Variants in TMEM266 observed in about 807,000 individuals in gnomAD.
TMEM266 encodes Hv1 related protein 1.
A neutral mutation model predicts 50.5 loss-of-function variants in TMEM266; 33 were observed. The observed-to-expected ratio is 0.65, with a 90% CI of 0.50 to 0.87. The LOEUF (loss-of-function observed/expected upper bound fraction) is 0.87. Among genes scored for constraint, TMEM266 ranks in the 40% least tolerant of loss-of-function variants. The probability of loss-of-function intolerance (pLI) is 0.00; values close to 1 mark genes in which losing one functional copy is unlikely to be tolerated. For synonymous variants in TMEM266, 310 were observed against 292.3 expected (o/e 1.06, Z -0.62); for missense variants, 655 against 695.1 (o/e 0.94, Z 0.65).
intron 9 of TMEM266, among the ~76,000 whole-genome samples, chr15:76,193,792 C>T (rs950364690): frequency 6.6e-6 from 1 of 152,210 alleles, no homozygotes; most frequent in African/African-American, 2.4e-5. Flanking sequence ...GGGTTTCACG[C>T]ACAGGCAGTG....
chr15:76,170,280 G>A (rs1179921084), intron 6 of TMEM266, among the ~76,000 whole-genome samples: 1 of 152,218 alleles, frequency 6.6e-6, no homozygotes, highest in Non-Finnish European at 1.5e-5. Flanking sequence ...GTGGGATGAG[G>A]TCAGGGAGGC....
At chr15:76,075,758 C>T (rs2036596037) in intron 1 of TMEM266, among the ~76,000 whole-genome samples, 1 of 140,566 alleles carries the variant, frequency 7.1e-6, no homozygotes, top group Non-Finnish European at 1.5e-5. Flanking sequence ...TCATCTATCA[C>T]ATACATTTTT....
chr15:76,134,340 G>T lies in TMEM266; in HGVS notation c.38+39G>T, dbSNP rs753891578. The stretch of plus-strand genomic sequence containing the variant: ...GGATCTGCTCTCTGGATCCAGAACT[G>T]TGGCTATAAATCTCCCAGAAGATGA... On this transcript the variant is annotated intron_variant, in intron 2 of 10. Coordinates refer to ENST00000388942, the MANE Select transcript of TMEM266 (RefSeq NM_152335.3). 8 of 1,596,388 alleles carry T rather than the reference G, an allele frequency of 5.0e-6. No homozygotes were observed. In the East Asian group the frequency reaches 1.8e-4, roughly 36 times the overall value.
chr15:76,122,703 T>C (rs1248581819), intron 1 of TMEM266, among the ~76,000 whole-genome samples: 2 of 152,318 alleles, frequency 1.3e-5, no homozygotes, highest in Non-Finnish European at 2.9e-5. Context: ...AAATCATAGA[T>C]ATTTTAGTTC....
chr15:76,068,514 C>G (rs924706531), intron 1 of TMEM266, among the ~76,000 whole-genome samples: 2 of 152,182 alleles, frequency 1.3e-5, no homozygotes. Context: ...GCCCTAACCC[C>G]CAATGTGACT....
intron 1 of TMEM266, among the ~76,000 whole-genome samples, chr15:76,094,176 A>C (rs1009358962): frequency 1.3e-5 from 2 of 152,086 alleles, no homozygotes; most frequent in African/African-American, 4.8e-5. Context: ...TGTTTTAGAC[A>C]TGAAGCCTTT....
At chr15:76,127,355 CT>C (rs2037439686) in intron 1 of TMEM266, among the ~76,000 whole-genome samples, 1 of 148,724 alleles carries the variant, frequency 6.7e-6, no homozygotes, top group Admixed American at 6.7e-5. Flanking sequence ...AAGACAGTGC[CT>C]TGGTCTGTTG....
intron 1 of TMEM266, among the ~76,000 whole-genome samples, chr15:76,116,146 C>T (rs535582707): frequency 2.6e-5 from 4 of 152,300 alleles, no homozygotes; most frequent in South Asian, 2.1e-4. Context: ...CCTCTCTCCT[C>T]GCCCTGCCAT....
chr15:76,126,534 ATT>A (rs560928549), intron 1 of TMEM266, among the ~76,000 whole-genome samples: 201 of 142,424 alleles, frequency 1.4e-3, no homozygotes, highest in African/African-American at 4.5e-3. Flanking sequence ...TATAGTTAGA[ATT>A]TTTTTTTTTT....
intron 1 of TMEM266, among the ~76,000 whole-genome samples, chr15:76,114,384 G>T (rs777599289): frequency 1.4e-4 from 21 of 152,150 alleles, no homozygotes; most frequent in Non-Finnish European, 2.5e-4. Context: ...GCTGGGTGTT[G>T]TGGTACACGC....
At chr15:76,112,617 T>G (rs1434911992) in intron 1 of TMEM266, 3 of 152,146 alleles carry the variant, frequency 2.0e-5, no homozygotes, top group Admixed American at 6.5e-5. Context: ...AGCATTGACT[T>G]GTCGAGAGCT....
intron 1 of TMEM266, among the ~76,000 whole-genome samples, chr15:76,077,781 C>T (rs1401208543): frequency 6.6e-6 from 1 of 152,020 alleles, no homozygotes; most frequent in South Asian, 2.1e-4. Context: ...TAGGCCCTCA[C>T]GACACCTTGA....
intron 1 of TMEM266, among the ~76,000 whole-genome samples, chr15:76,088,880 A>C (rs2036810088): frequency 6.6e-6 from 1 of 151,774 alleles, no homozygotes; most frequent in Non-Finnish European, 1.5e-5. Context: ...AATCACTTGC[A>C]GTCAGGAGTT....
intron 1 of TMEM266, among the ~76,000 whole-genome samples, chr15:76,095,283 A>C (rs943068428): frequency 2.3e-4 from 35 of 152,166 alleles, no homozygotes; most frequent in Admixed American, 6.5e-4. Context: ...TTTGAGATAC[A>C]TTCCATCAAT....
At chr15:76,175,499 C>A in intron 7 of TMEM266, 60 bp from the exon 8 acceptor site, 1 of 1,378,938 alleles carries the variant, frequency 7.3e-7, no homozygotes, top group Non-Finnish European at 1.0e-6. Context: ...TGGGCCCGCC[C>A]TTCCCTAGTC....
intron 6 of TMEM266, among the ~76,000 whole-genome samples, chr15:76,170,199 C>G (rs772436838): frequency 2.0e-5 from 3 of 152,212 alleles, no homozygotes; most frequent in Admixed American, 2.0e-4. Flanking sequence ...GAAAGCTGAG[C>G]GGGAAACTGT....
intron 10 of TMEM266, among the ~76,000 whole-genome samples, chr15:76,202,542 T>G (rs1304200835): frequency 1.3e-5 from 2 of 151,660 alleles, no homozygotes; most frequent in Non-Finnish European, 2.9e-5. Context: ...TGGAAGGGGG[T>G]TGGAATCCAG....
chr15:76,182,408 G>A (rs2456053), intron 8 of TMEM266, among the ~76,000 whole-genome samples: 31,240 of 151,750 alleles, frequency 0.21, 3,544 homozygotes, highest in African/African-American at 0.29. Flanking sequence ...AGGCCGAGGC[G>A]GGCAGATCAC....
At chr15:76,155,515 A>T (rs1429379629) in intron 3 of TMEM266, among the ~76,000 whole-genome samples, 3 of 152,178 alleles carry the variant, frequency 2.0e-5, no homozygotes, top group African/African-American at 7.2e-5. Context: ...TTTCCCTGAG[A>T]GTCCGTGGAA....
Sources: gnomAD v4.1 joint callset for allele counts (sites outside exome capture counted in the v4.1 genomes callset) on GRCh38, gnomAD v4.1.1 for gene constraint, MANE v1.5 for transcripts, NCBI Gene and HGNC (gene_info 2026-07-23, HGNC 2026-07-21) for gene names.